ATP9A: variants seen among roughly 807,000 people sequenced by gnomAD.
ATP9A encodes probable phospholipid-transporting ATPase IIA.
In ATP9A, 52 loss-of-function variants were observed where a neutral mutation model predicts 144.1. The ratio of observed to expected loss-of-function variants is 0.36; its 90% CI spans 0.29 to 0.45. ATP9A has a LOEUF of 0.45. ATP9A is among the 20% of genes least tolerant of loss of function. ATP9A has a pLI of 1.00. For synonymous variants in ATP9A, 582 were observed against 557.4 expected (o/e 1.04, Z -0.62); for missense variants, 947 against 1,392.7 (o/e 0.68, Z 5.09).
intron 24 of ATP9A, among the ~76,000 whole-genome samples, chr20:51,608,922 C>CGT (rs1214031645): frequency 0.024 from 3,443 of 142,768 alleles, 82 homozygotes; most frequent in African/African-American, 0.059. Flanking sequence ...GGAAATAAGA[C>CGT]GTGTGTGTGT....
At chr20:51,757,506 C>T (rs963177474) in intron 1 of ATP9A, among the ~76,000 whole-genome samples, 28 of 152,240 alleles carry the variant, frequency 1.8e-4, no homozygotes, top group East Asian at 3.9e-4. Flanking sequence ...GAAGAGCATC[C>T]GGCCCAGTCC....
intron 1 of ATP9A, among the ~76,000 whole-genome samples, chr20:51,735,376 C>T (rs1029966026): frequency 2.1e-5 from 3 of 145,856 alleles, no homozygotes; most frequent in Non-Finnish European, 4.6e-5. Flanking sequence ...ATAACACTGG[C>T]TCCCTTTCAG....
intron 4 of ATP9A, among the ~76,000 whole-genome samples, chr20:51,709,843 A>T (rs1379384248): frequency 6.6e-6 from 1 of 152,178 alleles, no homozygotes; most frequent in Non-Finnish European, 1.5e-5. Context: ...TATTGCAAAA[A>T]CAAATTTTAA....
At chr20:51,620,219 T>C (rs1483401454) in intron 19 of ATP9A, among the ~76,000 whole-genome samples, 1 of 152,092 alleles carries the variant, frequency 6.6e-6, no homozygotes. Flanking sequence ...GTACACCATA[T>C]GCAAACGAGC....
intron 3 of ATP9A, among the ~76,000 whole-genome samples, chr20:51,724,893 A>T (rs2077705698): frequency 6.6e-6 from 1 of 152,208 alleles, no homozygotes; most frequent in African/African-American, 2.4e-5. Flanking sequence ...TGATCCCAGG[A>T]AACAATTCAA....
At chr20:51,762,486 T>C (rs1197111247) in intron 1 of ATP9A, among the ~76,000 whole-genome samples, 3 of 136,536 alleles carry the variant, frequency 2.2e-5, no homozygotes, top group African/African-American at 5.7e-5. Flanking sequence ...AGAGCAAGAC[T>C]CTGTCTCAAA....
chr20:51,720,311 T>G (rs1010788774), intron 3 of ATP9A, among the ~76,000 whole-genome samples: 22 of 152,282 alleles, frequency 1.4e-4, no homozygotes, highest in East Asian at 7.7e-4. Flanking sequence ...TAAAGTAACT[T>G]ATGGTTTGAT....
chr20:51,702,207 G>A (rs1278272976), intron 4 of ATP9A, among the ~76,000 whole-genome samples: 1 of 151,162 alleles, frequency 6.6e-6, no homozygotes, highest in Non-Finnish European at 1.5e-5. Context: ...GCTGAGGCAG[G>A]AGAATCGCTT....
intron 1 of ATP9A, among the ~76,000 whole-genome samples, chr20:51,730,521 T>C (rs1158478479): frequency 6.6e-6 from 1 of 152,186 alleles, no homozygotes; most frequent in Non-Finnish European, 1.5e-5. Context: ...TCCCAAATTA[T>C]TTACAGTCTT....
chr20:51,731,737 G>C (rs1035890836), intron 1 of ATP9A, among the ~76,000 whole-genome samples: 7 of 151,586 alleles, frequency 4.6e-5, no homozygotes, highest in Non-Finnish European at 8.8e-5. Flanking sequence ...AAAAAGAGAA[G>C]CTTGGAACAG....
chr20:51,628,686 C>T (rs1284513779), intron 16 of ATP9A, among the ~76,000 whole-genome samples: 1 of 152,250 alleles, frequency 6.6e-6, no homozygotes, highest in Admixed American at 6.5e-5. Context: ...TGAGCTTGCT[C>T]ACAAATGGAT....
intron 1 of ATP9A, among the ~76,000 whole-genome samples, chr20:51,762,988 G>A (rs1415611626): frequency 6.6e-6 from 1 of 151,994 alleles, no homozygotes; most frequent in Admixed American, 6.6e-5. Context: ...CCAAAGTGCT[G>A]GGATTACAGG....
chr20:51,701,233 T>G (rs2077592014), intron 4 of ATP9A, among the ~76,000 whole-genome samples: 3 of 152,228 alleles, frequency 2.0e-5, no homozygotes, highest in Admixed American at 2.0e-4. Flanking sequence ...TTCATTCTTA[T>G]TAAATAATAA....
chr20:51,607,275 G>GC (rs1462043993), intron 26 of ATP9A, among the ~76,000 whole-genome samples: 1 of 152,178 alleles, frequency 6.6e-6, no homozygotes, highest in Admixed American at 6.5e-5. Context: ...GAGTGGAGCA[G>GC]CCCCACAGGC....
At chr20:51,735,101 T>C (rs555096742) in intron 1 of ATP9A, 9 of 171,954 alleles carry the variant, frequency 5.2e-5, no homozygotes, top group African/African-American at 1.4e-4. Context: ...GACAGAAGGA[T>C]TGGTATGACC....
At chr20:51,682,384 C>T (rs1245590830) in intron 9 of ATP9A, among the ~76,000 whole-genome samples, 1 of 151,966 alleles carries the variant, frequency 6.6e-6, no homozygotes, top group Non-Finnish European at 1.5e-5. Flanking sequence ...ATTCACGTGG[C>T]TGTCTAGTAA....
chr20:51,730,021 C>T (rs777197740), intron 1 of ATP9A, 43 bp from the exon 2 acceptor site: 6 of 1,452,792 alleles, frequency 4.1e-6, no homozygotes, highest in South Asian at 3.1e-5. Flanking sequence ...GCCCACGCAT[C>T]GAGGCTGTGC....
chr20:51,605,599 C>CA (rs938899862), intron 26 of ATP9A, among the ~76,000 whole-genome samples: 1 of 140,996 alleles, frequency 7.1e-6, no homozygotes, highest in African/African-American at 2.7e-5. Flanking sequence ...GCCTGGGTGA[C>CA]AGAGTGAGCC....
chr20:51,656,042 G>A (rs2077385501), intron 14 of ATP9A, among the ~76,000 whole-genome samples: 1 of 152,110 alleles, frequency 6.6e-6, no homozygotes, highest in African/African-American at 2.4e-5. Flanking sequence ...GCCACCTATT[G>A]TATGGTTCCA....
Sources: gnomAD v4.1 joint callset for allele counts (sites outside exome capture counted in the v4.1 genomes callset) on GRCh38, gnomAD v4.1.1 for gene constraint, MANE v1.5 for transcripts, NCBI Gene and HGNC (gene_info 2026-07-23, HGNC 2026-07-21) for gene names.